Variants in HMGB1 observed in about 807,000 individuals in gnomAD.
HMGB1 encodes high mobility group box 1.
For missense variants in HMGB1, 79 were observed against 253.5 expected, an observed-to-expected ratio of 0.31 and a Z score of 4.67; for synonymous variants, 81 against 84.0, an observed-to-expected ratio of 0.96 and a Z score of 0.19.
chr13:30,531,420 ATATT>A (rs1023379211), intron 1 of HMGB1, among the ~76,000 whole-genome samples: 3 of 152,168 alleles, frequency 2.0e-5, no homozygotes, highest in African/African-American at 7.2e-5. Context: ...TGCTACAGGA[ATATT>A]TAAAGATGTA....
At chr13:30,553,886 C>A in intron 1 of HMGB1, 1 of 1,344,782 alleles carries the variant, frequency 7.4e-7, no homozygotes, top group Non-Finnish European at 1.1e-6. Flanking sequence ...TTAATGCCAG[C>A]TTAGTTGACA....
Position 30,462,465 on chromosome 13 carries a change from C to T in HMGB1, c.471+73G>A, listed in dbSNP as rs780660128. On this transcript the variant is annotated intron_variant, in intron 4 of 4. Coordinates refer to ENST00000341423, the MANE Select transcript of HMGB1 (RefSeq NM_002128.7). ...TAGCTGTTACCCTAAAAACTTATTA[C>T]ACCTCAAACTAAGTACAATCATACA... The T allele has an allele frequency of 1.2e-5, 14 of 1,216,832 alleles. No individual in the cohort carries two copies. The Middle Eastern group carries it at 2.4e-3, about 213-fold the overall frequency. 75.4% of individuals were successfully genotyped at this position (1,216,832 alleles called of 1,614,324 possible).
At chr13:30,479,963 T>C (rs910352932) in intron 1 of HMGB1, among the ~76,000 whole-genome samples, 1 of 152,246 alleles carries the variant, frequency 6.6e-6, no homozygotes, top group African/African-American at 2.4e-5. Context: ...GCAGTTTCTC[T>C]CTTGCTTTCC....
rs748109722 is a variant in HMGB1, at chr13:30,459,353, A to T, written c.*2004T>A. 4.6e-5 allele frequency: 7 copies of T among 151,840 alleles called. No individual in the cohort carries two copies. Among genetic ancestry groups the T allele is most frequent in the Non-Finnish European group, 1.0e-4 (7 of 67,828 alleles). The allele number at this position is 151,840 out of a possible 1,614,324, so 9.4% of individuals were successfully genotyped here. A position where few individuals can be genotyped will look rare whatever the true frequency, so the allele number is the denominator to read the frequency against. On this transcript the variant is annotated 3_prime_UTR_variant, in exon 5 of 5. Coordinates refer to ENST00000341423, the MANE Select transcript of HMGB1 (RefSeq NM_002128.7). ...AAACTGTTCCCATTCTCAACATCTT[A>T]AAAAAATGGTAGTTGTCATGACGTA...
intron 1 of HMGB1, among the ~76,000 whole-genome samples, chr13:30,498,808 C>T (rs1454335230): frequency 6.6e-6 from 1 of 151,718 alleles, no homozygotes; most frequent in African/African-American, 2.4e-5. Context: ...CCACTATACC[C>T]GGCTAATTTC....
intron 1 of HMGB1, among the ~76,000 whole-genome samples, chr13:30,569,216 G>A (rs1268322483): frequency 1.3e-5 from 2 of 152,140 alleles, no homozygotes; most frequent in African/African-American, 4.8e-5. Flanking sequence ...TTAAAGGTCT[G>A]TAGTTCTGCA....
At chr13:30,566,677 C>A (rs1242087452) in intron 1 of HMGB1, among the ~76,000 whole-genome samples, 1 of 152,190 alleles carries the variant, frequency 6.6e-6, no homozygotes, top group African/African-American at 2.4e-5. Context: ...TGAAACCATG[C>A]ATTTAATTCT....
rs1265735956 is a variant in HMGB1, at chr13:30,559,490, G to A, written c.-15+57181C>T. On this transcript the variant is annotated intron_variant, in intron 1 of 4. Transcript: ENST00000405805. The surrounding 1 kb of genome is among the most constrained non-coding windows in gnomAD (Gnocchi z 6.6). The stretch of plus-strand genomic sequence containing the variant: ...CAGACTCAAACCAACTGTGTACTCT[G>A]TCCACACCTCTTCAGCAATATGGCA... 1.3e-5 allele frequency among the ~76,000 whole-genome samples: 2 copies of A among 152,156 alleles called. No homozygotes were observed. Among genetic ancestry groups the A allele is most frequent in the African/African-American group, 4.8e-5 (2 of 41,412 alleles).
intron 1 of HMGB1, among the ~76,000 whole-genome samples, chr13:30,483,356 T>TC (rs35145192): frequency 0.35 from 53,214 of 151,514 alleles, 9,942 homozygotes; most frequent in Non-Finnish European, 0.42. Context: ...CATTAACTCC[T>TC]CCTTTCCCTC....
intron 1 of HMGB1, among the ~76,000 whole-genome samples, chr13:30,481,903 C>A (rs551052444): frequency 2.0e-5 from 3 of 152,134 alleles, no homozygotes; most frequent in Admixed American, 6.5e-5. Flanking sequence ...CCTCTTGGCT[C>A]ACCACAACCT....
At chr13:30,582,798 C>T (rs879641175) in intron 1 of HMGB1, among the ~76,000 whole-genome samples, 2 of 152,180 alleles carry the variant, frequency 1.3e-5, no homozygotes, top group East Asian at 1.9e-4. Flanking sequence ...CTGAATTTGA[C>T]GATTCCATTT....
At chr13:30,522,672 G>A (rs937266939) in intron 1 of HMGB1, among the ~76,000 whole-genome samples, 1 of 152,096 alleles carries the variant, frequency 6.6e-6, no homozygotes, top group Non-Finnish European at 1.5e-5. Context: ...TCAGTAAGAT[G>A]GATGTGATAT....
At chr13:30,462,492 C>A (rs200788197) in intron 4 of HMGB1, 46 bp downstream of exon 4, 10 of 1,438,366 alleles carry the variant, frequency 7.0e-6, no homozygotes, top group Non-Finnish European at 9.8e-6. Context: ...AATCATACAT[C>A]TGGCGTACTT....
rs565051710 is a variant in HMGB1 at position 30,602,097 on chromosome 13, G to A, written c.-15+14574C>T. 5.9e-5 allele frequency among the ~76,000 whole-genome samples: 9 copies of A among 152,148 alleles called. No individual in the cohort carries two copies. The East Asian group carries it at 7.7e-4, about 13-fold the overall frequency. On this transcript the variant is annotated intron_variant, in intron 1 of 4. Transcript: ENST00000405805. ...GTACCACAGCCTCAGACATGTCACCGGGGATACCAGCACCACAGCCTCAGA... is the reference window on the plus strand; with the variant it reads ...GTACCACAGCCTCAGACATGTCACCAGGGATACCAGCACCACAGCCTCAGA...
chr13:30,483,239 G>C lies in HMGB1; in HGVS notation c.-14-19545C>G, dbSNP rs547860848. The stretch of plus-strand genomic sequence containing the variant: ...CCCACTCCATTCTGCATCCACCAGG[G>C]CTTGGAAGCCTGGCACGGCCATAAA... On this transcript the variant is annotated intron_variant, in intron 1 of 4. Coordinates refer to the HMGB1 transcript ENST00000405805. Among the ~76,000 whole-genome samples, 5 of 152,224 alleles carry C rather than the reference G, an allele frequency of 3.3e-5. No individual in the cohort carries two copies. The East Asian group carries it at 9.6e-4, about 29-fold the overall frequency.
rs192547545 is a variant in HMGB1 at position 30,483,804 on chromosome 13, G to T, written c.-14-20110C>A. ...AATTTTTAAATTTTTTGTAGAGATG[G>T]TGTCTCACCATGTTGCCCAGGCTGG... On this transcript the variant is annotated intron_variant, in intron 1 of 4. Coordinates refer to the HMGB1 transcript ENST00000405805. 3.3e-5 allele frequency among the ~76,000 whole-genome samples: 5 copies of T among 151,946 alleles called. No individual in the cohort carries two copies. In the East Asian group the frequency reaches 9.7e-4, roughly 29 times the overall value.
intron 1 of HMGB1, among the ~76,000 whole-genome samples, chr13:30,585,700 G>T (rs1269088386): frequency 6.6e-6 from 1 of 151,902 alleles, no homozygotes; most frequent in African/African-American, 2.4e-5. Flanking sequence ...AGTTGATTCT[G>T]CAGGGACTTA....
chr13:30,529,550 T>C (rs1888450013), intron 1 of HMGB1, among the ~76,000 whole-genome samples: 1 of 152,220 alleles, frequency 6.6e-6, no homozygotes, highest in South Asian at 2.1e-4. Context: ...TGAAGTTCCA[T>C]GAAATCCCTT....
At chr13:30,581,124 CAG>C (rs974903249) in intron 1 of HMGB1, among the ~76,000 whole-genome samples, 28 of 152,088 alleles carry the variant, frequency 1.8e-4, no homozygotes, top group African/African-American at 6.8e-4. Flanking sequence ...AGACTTACAG[CAG>C]TAGGTCTACC....
Sources: gnomAD v4.1 joint callset for allele counts (sites outside exome capture counted in the v4.1 genomes callset) on GRCh38, gnomAD v4.1.1 for gene constraint, Gnocchi (gnomAD v3.1) non-coding constraint, MANE v1.5 for transcripts, NCBI Gene and HGNC (gene_info 2026-07-23, HGNC 2026-07-21) for gene names.